GEN1: variants seen among roughly 807,000 people sequenced by gnomAD.
GEN1 encodes flap endonuclease GEN homolog 1.
A neutral mutation model predicts 67.6 loss-of-function variants in GEN1; 64 were observed. The ratio of observed to expected loss-of-function variants is 0.95; its 90% CI spans 0.77 to 1.17. The LOEUF (loss-of-function observed/expected upper bound fraction) is 1.17, where lower values mean the gene tolerates loss of function less well. GEN1 is among the 50% of genes most tolerant of loss of function. The pLI, the probability that GEN1 is intolerant of heterozygous loss-of-function variation, is 0.00. For synonymous variants in GEN1, 371 were observed against 359.4 expected (o/e 1.03, Z -0.37); for missense variants, 1,058 against 1,048.3 (o/e 1.01, Z -0.13).
intron 4 of GEN1, among the ~76,000 whole-genome samples, chr2:17,765,545 G>A (rs1671889145): frequency 6.6e-6 from 1 of 152,214 alleles, no homozygotes; most frequent in Admixed American, 6.5e-5. Context: ...ATACTGCTGG[G>A]AGACATTTTG....
At chr2:17,768,120 TTAAA>T (rs1297339295) in intron 5 of GEN1, among the ~76,000 whole-genome samples, 1 of 152,174 alleles carries the variant, frequency 6.6e-6, no homozygotes, top group Non-Finnish European at 1.5e-5. Flanking sequence ...TGTGTACTGG[TTAAA>T]TAACAGCTCT....
intron 1 of GEN1, among the ~76,000 whole-genome samples, chr2:17,757,425 T>A (rs905682265): frequency 3.3e-5 from 5 of 152,118 alleles, no homozygotes; most frequent in Non-Finnish European, 7.4e-5. Context: ...GGAATACAGT[T>A]AACATCACAG....
chr2:17,762,789 T>C (rs1259884527), intron 3 of GEN1, among the ~76,000 whole-genome samples: 1 of 152,246 alleles, frequency 6.6e-6, no homozygotes, highest in Non-Finnish European at 1.5e-5. Context: ...AAATTTTAGA[T>C]AAAATTACCC....
chr2:17,759,721 A>G (rs1671586234), intron 1 of GEN1, among the ~76,000 whole-genome samples: 1 of 151,948 alleles, frequency 6.6e-6, no homozygotes, highest in South Asian at 2.1e-4. Context: ...TGCTTTTGTT[A>G]GCTCTTGTTT....
At position 17,783,789 on chromosome 2, in the gene GEN1, A is replaced by T. The variant is rs1453577479; in HGVS notation, c.*1850A>T. 6.6e-6 allele frequency: 1 copy of T among 152,256 alleles called. No individual in the cohort carries two copies. The highest frequency in any genetic ancestry group is 2.4e-5 in the African/African-American group (1 of 41,462). 9.4% of individuals were successfully genotyped at this position (152,256 alleles called of 1,614,324 possible). On this transcript the variant is annotated 3_prime_UTR_variant, in exon 14 of 14. Transcript: ENST00000381254. ...ACCAACTGTCTTCTGGATCTATTGG[A>T]TATCTATGTAAAAAAGAGTGACATT...
chr2:17,781,738 C>T lies in GEN1; in HGVS notation c.2526C>T (p.Ser842=). 1.2e-6 allele frequency: 2 copies of T among 1,613,416 alleles called. No homozygotes were observed. The highest frequency in any genetic ancestry group is 1.1e-5 in the South Asian group (1 of 91,038). Residue 842 remains serine (S), a synonymous_variant, in exon 14 of 14, where the codon AGC becomes AGT. Transcript: ENST00000381254. Reference sequence around the variant, plus strand: ...AAAGTGGCCATAACAAGTTGAGTAGCCCTAAGATACATATTAAAGAAACTG... The same window carrying T: ...AAAGTGGCCATAACAAGTTGAGTAGTCCTAAGATACATATTAAAGAAACTG... ...FKESGHNKLS[S]PKIHIKETEQ...
Position 17,765,111 on chromosome 2 carries a change from GAA to G in GEN1, c.525+39_525+40del, listed in dbSNP as rs753194681. 1.1e-4 allele frequency: 170 copies of G among 1,590,230 alleles called. 1 individual carries two copies. The highest frequency in any genetic ancestry group is 1.3e-4 in the East Asian group (6 of 44,700). On this transcript the variant is annotated intron_variant, in intron 4 of 13. Transcript: ENST00000381254. The stretch of plus-strand genomic sequence containing the variant: ...TTTCTCTTTTTCAGCATTTGTTTAC[GAA>G]CTACCTTTTTTAAAGGGCTGATTAA...
At chr2:17,779,161 G>A (rs545734057) in intron 12 of GEN1, among the ~76,000 whole-genome samples, 1 of 152,166 alleles carries the variant, frequency 6.6e-6, no homozygotes, top group Non-Finnish European at 1.5e-5. Context: ...GACCTCAGGT[G>A]TTCCACCCAC....
Position 17,781,719 on chromosome 2 carries a change from GC to G in GEN1, c.2509del (p.His837IlefsTer4). The G allele has an allele frequency of 6.2e-7, 1 of 1,612,284 alleles. No individual in the cohort carries two copies. Among genetic ancestry groups the G allele is most frequent in the Non-Finnish European group, 8.5e-7 (1 of 1,178,816 alleles). ...KHNSSHFKESGHNKLSSPKIH... is the reference protein window; with the variant it reads ...KHNSSHFKESXHNKLSSPKIH... ...AATTCATCCCATTTCAAAGAAAGTG[GC>G]CATAACAAGTTGAGTAGCCCTAAGA... is the stretch of plus-strand genomic sequence containing the variant. On this transcript the variant is annotated frameshift_variant, in exon 14 of 14. Transcript: ENST00000381254. LOFTEE classifies it low-confidence loss of function (END_TRUNC).
In GEN1 at chr2:17,783,669, T is replaced by C. The variant is rs1029740530; in HGVS notation, c.*1730T>C. 4 of 152,190 alleles carry C rather than the reference T, an allele frequency of 2.6e-5. No homozygotes were observed. The East Asian group carries it at 7.7e-4, about 29-fold the overall frequency. 9.4% of individuals were successfully genotyped at this position (152,190 alleles called of 1,614,324 possible). A position where few individuals can be genotyped will look rare whatever the true frequency, so the allele number is the denominator to read the frequency against. On this transcript the variant is annotated 3_prime_UTR_variant, in exon 14 of 14. Coordinates refer to ENST00000381254, the MANE Select transcript of GEN1 (RefSeq NM_001130009.3). ...GTCAATATAGATCAATGGCATAGAA[T>C]TGAGAATTCAGAAAAAAAGCCTTCA...
rs1046747967 is a variant in GEN1 at position 17,761,283 on chromosome 2, T to C, written c.162-113T>C. On this transcript the variant is annotated intron_variant, in intron 2 of 13. Coordinates refer to ENST00000381254, the MANE Select transcript of GEN1 (RefSeq NM_001130009.3). ...TCTAATTAAAGCTTAAGTAAAATGT[T>C]ATTACATTAACGTTTTTGATACTAG... The C allele has an allele frequency of 1.1e-5, 7 of 616,006 alleles. No homozygotes were observed. In the South Asian group the frequency reaches 1.6e-4, roughly 14 times the overall value. 38.2% of individuals were successfully genotyped at this position (616,006 alleles called of 1,614,324 possible).
chr2:17,779,761 C>A (rs1039652161), intron 12 of GEN1, among the ~76,000 whole-genome samples: 106 of 152,138 alleles, frequency 7.0e-4, no homozygotes, highest in Middle Eastern at 3.4e-3. Flanking sequence ...ACCAGCATGC[C>A]CGGCTAATTT....
In GEN1 at chr2:17,788,464, G is replaced by A. The variant is rs1432345078; in HGVS notation, c.*6525G>A. 4 of 152,222 alleles carry A rather than the reference G, an allele frequency of 2.6e-5. No homozygotes were observed. The highest frequency in any genetic ancestry group is 5.9e-5 in the Non-Finnish European group (4 of 68,032). The allele number at this position is 152,222 out of a possible 1,614,324, so 9.4% of individuals were successfully genotyped here. On this transcript the variant is annotated 3_prime_UTR_variant, in exon 14 of 14. Coordinates refer to ENST00000381254, the MANE Select transcript of GEN1 (RefSeq NM_001130009.3). The stretch of plus-strand genomic sequence containing the variant: ...GGAGGGCAGAGTTATCAGCAAAGTA[G>A]GCTGACCCTTCTGTGGGCAGAATGA...
At chr2:17,767,892 T>C (rs1026673736) in intron 5 of GEN1, among the ~76,000 whole-genome samples, 21 of 152,224 alleles carry the variant, frequency 1.4e-4, no homozygotes, top group African/African-American at 5.1e-4. Flanking sequence ...ATTCAAGATA[T>C]CTAATAACGT....
At chr2:17,754,571 C>T (rs1383027294) in intron 1 of GEN1, 2 of 152,240 alleles carry the variant, frequency 1.3e-5, no homozygotes, top group African/African-American at 4.8e-5. Flanking sequence ...GAAAGCTGCG[C>T]GTTCTCCGGC....
chr2:17,782,497 G>A lies in GEN1; in HGVS notation c.*558G>A, dbSNP rs1450356507. The A allele has an allele frequency of 2.6e-5, 4 of 152,100 alleles. No homozygotes were observed. Among genetic ancestry groups the A allele is most frequent in the African/African-American group, 7.2e-5 (3 of 41,412 alleles). 9.4% of individuals were successfully genotyped at this position (152,100 alleles called of 1,614,324 possible). On this transcript the variant is annotated 3_prime_UTR_variant, in exon 14 of 14. Coordinates refer to ENST00000381254, the MANE Select transcript of GEN1 (RefSeq NM_001130009.3). Reference sequence around the variant, plus strand: ...CTCCCTCAGTTTGAAGATACCTTTAGTGTGCTCTTCCACTTTTGGTGTCTT... The same window carrying A: ...CTCCCTCAGTTTGAAGATACCTTTAATGTGCTCTTCCACTTTTGGTGTCTT...
intron 2 of GEN1, among the ~76,000 whole-genome samples, chr2:17,760,983 C>T (rs1671648942): frequency 6.6e-6 from 1 of 150,918 alleles, no homozygotes; most frequent in South Asian, 2.1e-4. Flanking sequence ...GTATTCCTAG[C>T]ACTTTGCGAG....
In GEN1 at chr2:17,766,675, G is replaced by A. The variant is rs747675661; in HGVS notation, c.622G>A (p.Asp208Asn). ...LVGLAILLGC[D>N]YLPKGVPGVG... Reference sequence around the variant, plus strand: ...TGGATTAGCAATACTTCTTGGCTGTGATTATCTCCCAAAGGTAAGCTGAAA... The same window carrying A: ...TGGATTAGCAATACTTCTTGGCTGTAATTATCTCCCAAAGGTAAGCTGAAA... Residue 208 changes from aspartate (D) to asparagine (N), a missense_variant, in exon 5 of 14, where the codon GAT (aspartate) becomes AAT (asparagine). Physicochemically the swap from Asp to Asn is conservative, Grantham distance 23 (BLOSUM62 1). Transcript: ENST00000381254. 16 of 1,579,904 alleles carry A rather than the reference G, an allele frequency of 1.0e-5. No homozygotes were observed. Among genetic ancestry groups the A allele is most frequent in the Admixed American group, 8.4e-5 (5 of 59,668 alleles).
chr2:17,764,792 C>G lies in GEN1; in HGVS notation c.349-105C>G, dbSNP rs1671845394. 6 of 1,038,708 alleles carry G rather than the reference C, an allele frequency of 5.8e-6. No homozygotes were observed. The South Asian group carries it at 1.3e-4, about 22-fold the overall frequency. The allele number at this position is 1,038,708 out of a possible 1,614,324, so 64.3% of individuals were successfully genotyped here. On this transcript the variant is annotated intron_variant, in intron 3 of 13. Transcript: ENST00000381254. The stretch of plus-strand genomic sequence containing the variant: ...TTAAATATCGTAATTTTTAAAACAC[C>G]AAAATAGCTACTATTAATATTTGTA...
Sources: gnomAD v4.1 joint callset for allele counts (sites outside exome capture counted in the v4.1 genomes callset) on GRCh38, gnomAD v4.1.1 for gene constraint, MANE v1.5 for transcripts, NCBI Gene and HGNC (gene_info 2026-07-23, HGNC 2026-07-21) for gene names.